Variants in SLC25A12 observed in about 807,000 individuals in gnomAD.
SLC25A12 encodes electrogenic aspartate/glutamate antiporter SLC25A12, mitochondrial.
Under a neutral mutation model 83.3 loss-of-function variants are expected in SLC25A12, and 32 were observed. The ratio of observed to expected loss-of-function variants is 0.38; its 90% CI spans 0.29 to 0.52. The LOEUF (loss-of-function observed/expected upper bound fraction) is 0.52, where lower values mean the gene tolerates loss of function less well. SLC25A12 is among the 20% of genes least tolerant of loss of function. SLC25A12 has a pLI of 0.84. For synonymous variants in SLC25A12, 267 were observed against 291.1 expected (o/e 0.92, Z 0.84); for missense variants, 611 against 835.6 (o/e 0.73, Z 3.31).
At chr2:171,823,084 C>G (rs1389910258) in intron 9 of SLC25A12, among the ~76,000 whole-genome samples, 1 of 152,122 alleles carries the variant, frequency 6.6e-6, no homozygotes, top group Non-Finnish European at 1.5e-5. Flanking sequence ...GGATTGTAGT[C>G]TATATGGCTG....
In SLC25A12 at chr2:171,793,732, C is replaced by T. The variant is rs1332066124; in HGVS notation, c.1341G>A (p.Leu447=). The change falls in exon 14 of 18, where the codon TTG becomes TTA. Residue 447 remains leucine (L), a synonymous_variant. Transcript: ENST00000422440. ...GGSQVIFTNP[L]EIVKIRLQVA... is the part of the protein sequence containing the mutation. The stretch of plus-strand genomic sequence containing the variant: ...CTTGCAGACGAATCTTCACTATCTC[C>T]AATGGGTTGGTAAAAATGACCTGAG... The T allele has an allele frequency of 1.9e-6, 3 of 1,614,156 alleles. No homozygotes were observed. The highest frequency in any genetic ancestry group is 2.5e-6 in the Non-Finnish European group (3 of 1,180,028).
At chr2:171,811,231 A>G (rs986968307) in intron 11 of SLC25A12, among the ~76,000 whole-genome samples, 1 of 152,200 alleles carries the variant, frequency 6.6e-6, no homozygotes, top group African/African-American at 2.4e-5. Context: ...GCTGAGTTCC[A>G]TAAGTTGAGA....
At chr2:171,852,617 A>C (rs1231042180) in intron 4 of SLC25A12, 1 of 448,620 alleles carries the variant, frequency 2.2e-6, no homozygotes, top group Non-Finnish European at 4.5e-6. Flanking sequence ...GTGCCTATAA[A>C]TACATAAGCA....
In SLC25A12 at chr2:171,868,311, A is replaced by ATTT. The variant is rs71013084; in HGVS notation, c.209+367_209+369dup. On this transcript the variant is annotated intron_variant, in intron 3 of 17. Coordinates refer to ENST00000422440, the MANE Select transcript of SLC25A12 (RefSeq NM_003705.5). Reference sequence around the variant, plus strand: ...CGTAGGTAAGTTTGTGGGTTTTTTAATTTTTTTTTTTTTTTTTTTGAGACA... The same window carrying ATTT: ...CGTAGGTAAGTTTGTGGGTTTTTTAATTTTTTTTTTTTTTTTTTTTTTGAGACA... Among the ~76,000 whole-genome samples, 66 of 129,484 alleles carry ATTT rather than the reference A, an allele frequency of 5.1e-4. 1 individual carries two copies. The highest frequency in any genetic ancestry group is 1.2e-3 in the African/African-American group (41 of 34,242). The allele number at this position is 129,484 out of a possible 152,430, so 84.9% of individuals were successfully genotyped here.
At chr2:171,820,255 T>A (rs985529274) in intron 9 of SLC25A12, among the ~76,000 whole-genome samples, 1 of 149,268 alleles carries the variant, frequency 6.7e-6, no homozygotes, top group African/African-American at 2.6e-5. Context: ...ATTCTAATGA[T>A]GTTTTGACAG....
chr2:171,866,469 C>T lies in SLC25A12; in HGVS notation c.209+2212G>A, dbSNP rs1407214470. ...GGCTGGCCGGGCAGGGGGCTGACCC[C>T]CCACCTCCCTCCCGGACGGGGTGGC... On this transcript the variant is annotated intron_variant, in intron 3 of 17. Transcript: ENST00000422440. Among the ~76,000 whole-genome samples, 14 of 142,762 alleles carry T rather than the reference C, an allele frequency of 9.8e-5. No homozygotes were observed. In the East Asian group the frequency reaches 2.4e-3, roughly 24 times the overall value. 93.7% of individuals were successfully genotyped at this position (142,762 alleles called of 152,430 possible). A position where few individuals can be genotyped will look rare whatever the true frequency, so the allele number is the denominator to read the frequency against.
At chr2:171,793,553 A>G (rs1683533159) in intron 14 of SLC25A12, 74 bp downstream of exon 14, 4 of 1,478,328 alleles carry the variant, frequency 2.7e-6, no homozygotes, top group South Asian at 2.3e-5. Context: ...TTGCTTTTCA[A>G]CTTGGAGGGA....
intron 15 of SLC25A12, 151 bp downstream of exon 15, chr2:171,791,300 A>T (rs1043506405): frequency 1.4e-6 from 1 of 738,018 alleles, no homozygotes; most frequent in African/African-American, 1.8e-5. Context: ...TCAGAATTAC[A>T]GCACATCCCA....
At chr2:171,825,782 T>C (rs919311459) in intron 9 of SLC25A12, among the ~76,000 whole-genome samples, 1 of 152,200 alleles carries the variant, frequency 6.6e-6, no homozygotes, top group Non-Finnish European at 1.5e-5. Flanking sequence ...CCACTGAAAC[T>C]TCCTAAGTGC....
At position 171,826,275 on chromosome 2, in the gene SLC25A12, A is replaced by G. The variant is rs190140354; in HGVS notation, c.930+523T>C. The stretch of plus-strand genomic sequence containing the variant: ...CTTATTTTCCTTATCTGAACAAAAC[A>G]AAAAACAAAACACAAATATAAATCT... On this transcript the variant is annotated intron_variant, in intron 9 of 17. Coordinates refer to ENST00000422440, the MANE Select transcript of SLC25A12 (RefSeq NM_003705.5). 1.2e-3 allele frequency among the ~76,000 whole-genome samples: 185 copies of G among 152,342 alleles called. 1 individual carries two copies. Among genetic ancestry groups the G allele is most frequent in the Middle Eastern group, 6.8e-3 (2 of 294 alleles).
Position 171,871,358 on chromosome 2 carries a change from A to G in SLC25A12, c.67-2535T>C, listed in dbSNP as rs919053355. On this transcript the variant is annotated intron_variant, in intron 2 of 17. Transcript: ENST00000422440. ...GGCGGCCAGATCACTTGAAGTCAAGAGTTCGAGGCCAGCCTGAACAACATG... is the reference window on the plus strand; with the variant it reads ...GGCGGCCAGATCACTTGAAGTCAAGGGTTCGAGGCCAGCCTGAACAACATG... 9.8e-5 allele frequency among the ~76,000 whole-genome samples: 15 copies of G among 152,356 alleles called. No homozygotes were observed. The East Asian group carries it at 2.9e-3, about 29-fold the overall frequency.
At chr2:171,809,321 A>G in intron 13 of SLC25A12, 1 of 407,892 alleles carries the variant, frequency 2.5e-6, no homozygotes, top group Non-Finnish European at 4.6e-6. Flanking sequence ...ACTCCCACCA[A>G]CAGTGTAAAA....
rs544479946 is a variant in SLC25A12 at position 171,820,312 on chromosome 2, T to C, written c.931-5110A>G. Among the ~76,000 whole-genome samples, 8 of 152,330 alleles carry C rather than the reference T, an allele frequency of 5.3e-5. No homozygotes were observed. The East Asian group carries it at 1.3e-3, about 26-fold the overall frequency. On this transcript the variant is annotated intron_variant, in intron 9 of 17. Transcript: ENST00000422440. ...CATAGTTTTTTTAGTGAGTGGCCTA[T>C]AGCTTTAATATAATTTCCCATAGAA... is the stretch of plus-strand genomic sequence containing the variant.
intron 3 of SLC25A12, chr2:171,856,660 G>T (rs925938642): frequency 6.6e-6 from 1 of 151,972 alleles, no homozygotes; most frequent in Non-Finnish European, 1.5e-5. Flanking sequence ...ATGTGCTGCT[G>T]AGGCAAGCAC....
intron 4 of SLC25A12, among the ~76,000 whole-genome samples, chr2:171,854,491 C>T (rs970102238): frequency 6.6e-6 from 1 of 151,852 alleles, no homozygotes; most frequent in Non-Finnish European, 1.5e-5. Flanking sequence ...CACTTGAACC[C>T]GGGAGGCAGG....
chr2:171,801,730 A>G (rs1437540778), intron 13 of SLC25A12, among the ~76,000 whole-genome samples: 1 of 152,146 alleles, frequency 6.6e-6, no homozygotes. Context: ...TTTGTGTTTT[A>G]TGATTTTGCC....
chr2:171,825,766 C>T (rs1024229566), intron 9 of SLC25A12, among the ~76,000 whole-genome samples: 1 of 152,206 alleles, frequency 6.6e-6, no homozygotes, highest in African/African-American at 2.4e-5. Context: ...ATGTGATCAT[C>T]TGCTACCACT....
chr2:171,873,852 C>T (rs892369292), intron 2 of SLC25A12, among the ~76,000 whole-genome samples: 2 of 151,916 alleles, frequency 1.3e-5, no homozygotes, highest in Non-Finnish European at 1.5e-5. Context: ...TTGCTTTTGT[C>T]GAATTCAGTC....
intron 15 of SLC25A12, among the ~76,000 whole-genome samples, chr2:171,789,450 G>T (rs192680781): frequency 2.6e-5 from 4 of 151,994 alleles, no homozygotes; most frequent in Non-Finnish European, 5.9e-5. Flanking sequence ...GGATGGTCTC[G>T]ATCTCCTGAC....
Sources: allele counts gnomAD v4.1 joint callset (sites outside exome capture counted in the v4.1 genomes callset), GRCh38; gene constraint gnomAD v4.1.1; transcripts MANE v1.5; gene names NCBI Gene and HGNC (gene_info 2026-07-23, HGNC 2026-07-21).